The following KLHL29 variants were observed in gnomAD, a reference collection of about 807,000 sequenced individuals.
The protein encoded by KLHL29 is kelch like family member 29.
Under a neutral mutation model 80.4 loss-of-function variants are expected in KLHL29, and 21 were observed. The ratio of observed to expected loss-of-function variants is 0.26; its 90% CI spans 0.19 to 0.38. KLHL29 has a LOEUF of 0.38. Ranked by LOEUF, KLHL29 falls within the 10% of genes least tolerant of loss-of-function variation. The pLI, the probability that KLHL29 is intolerant of heterozygous loss-of-function variation, is 1.00. For missense variants in KLHL29, 867 were observed against 1,223.9 expected, an observed-to-expected ratio of 0.71 and a Z score of 4.35; for synonymous variants, 511 against 526.8, an observed-to-expected ratio of 0.97 and a Z score of 0.41.
chr2:23,606,864 G>C (rs1026007975), intron 3 of KLHL29, among the ~76,000 whole-genome samples: 6 of 152,108 alleles, frequency 3.9e-5, no homozygotes, highest in East Asian at 3.9e-4. Context: ...CTGTAAACAG[G>C]GTGGCTTAGA....
At chr2:23,675,893 T>TG (rs2149179760) in intron 5 of KLHL29, among the ~76,000 whole-genome samples, 1 of 152,286 alleles carries the variant, frequency 6.6e-6, no homozygotes, top group South Asian at 2.1e-4. Context: ...TTTGGGGGAA[T>TG]GTGATCTAAC....
In KLHL29 at chr2:23,547,762, T is replaced by TTA. The variant is rs1667014832; in HGVS notation, c.-45-14389_-45-14388dup. On this transcript the variant is annotated intron_variant, in intron 2 of 13. Coordinates refer to ENST00000486442, the MANE Select transcript of KLHL29 (RefSeq NM_052920.2). ...GGAGGAAAAGATACTTGTTTGCTAC[T>TTA]TACATCCTGCTGAGTTCAGCCTCAG... Among the ~76,000 whole-genome samples the TTA allele has an allele frequency of 2.0e-5, 3 of 151,950 alleles. No individual in the cohort carries two copies. In the South Asian group the frequency reaches 6.2e-4, roughly 32 times the overall value.
chr2:23,466,893 G>T (rs1664369066), intron 1 of KLHL29, among the ~76,000 whole-genome samples: 1 of 152,162 alleles, frequency 6.6e-6, no homozygotes, highest in Admixed American at 6.5e-5. Flanking sequence ...CCTTTCTGGG[G>T]GACTTTCCTG....
chr2:23,445,008 T>A (rs1663632122), intron 1 of KLHL29, among the ~76,000 whole-genome samples: 1 of 152,244 alleles, frequency 6.6e-6, no homozygotes, highest in East Asian at 1.9e-4. Flanking sequence ...AAACTGTGAC[T>A]TTAAATGAAA....
At chr2:23,491,169 C>G (rs1665092115) in intron 2 of KLHL29, among the ~76,000 whole-genome samples, 1 of 152,038 alleles carries the variant, frequency 6.6e-6, no homozygotes, top group African/African-American at 2.4e-5. Context: ...TGCTCCAGCC[C>G]CTAGGGACAC....
At chr2:23,550,072 G>A (rs536633899) in intron 2 of KLHL29, among the ~76,000 whole-genome samples, 77 of 152,216 alleles carry the variant, frequency 5.1e-4, no homozygotes, top group African/African-American at 1.6e-3. Flanking sequence ...GTGTTTTTCC[G>A]TTTTATGGCT....
intron 5 of KLHL29, among the ~76,000 whole-genome samples, chr2:23,679,085 A>C (rs1275520960): frequency 6.6e-6 from 1 of 152,120 alleles, no homozygotes; most frequent in Non-Finnish European, 1.5e-5. Context: ...CTCAAACTGA[A>C]CTAGCAAAGG....
At chr2:23,699,575 G>GTCCTT (rs1031775808) in intron 11 of KLHL29, among the ~76,000 whole-genome samples, 2 of 152,152 alleles carry the variant, frequency 1.3e-5, no homozygotes, top group African/African-American at 4.8e-5. Flanking sequence ...GCCTCCTGTT[G>GTCCTT]TCCTTTCTCC....
chr2:23,496,689 C>T (rs117938123), intron 2 of KLHL29, among the ~76,000 whole-genome samples: 1 of 152,372 alleles, frequency 6.6e-6, no homozygotes, highest in East Asian at 1.9e-4. Flanking sequence ...GCCCAGGGAC[C>T]ACCGCTGTCT....
chr2:23,686,714 G>C (rs1345468012), intron 6 of KLHL29, among the ~76,000 whole-genome samples: 2 of 152,142 alleles, frequency 1.3e-5, no homozygotes, highest in African/African-American at 4.8e-5. Context: ...CGGACGCCCA[G>C]GTCCCCAGGT....
intron 3 of KLHL29, among the ~76,000 whole-genome samples, chr2:23,619,772 G>A (rs1484458092): frequency 6.6e-6 from 1 of 152,308 alleles, no homozygotes; most frequent in Admixed American, 6.5e-5. Flanking sequence ...GCTAGCAAGG[G>A]CATTAAGTCC....
intron 5 of KLHL29, chr2:23,667,751 C>G (rs188436841): frequency 6.6e-6 from 1 of 152,514 alleles, no homozygotes; most frequent in African/African-American, 2.4e-5. Context: ...CCCTGGGGCC[C>G]GGGGTCTGTT....
intron 2 of KLHL29, among the ~76,000 whole-genome samples, chr2:23,533,543 T>TGG (rs1335170997): frequency 1.3e-5 from 2 of 152,112 alleles, no homozygotes; most frequent in Non-Finnish European, 2.9e-5. Context: ...GTGCAGCCTC[T>TGG]GGGGAGCCTT....
At chr2:23,553,917 G>A (rs1253964439) in intron 2 of KLHL29, among the ~76,000 whole-genome samples, 1 of 152,208 alleles carries the variant, frequency 6.6e-6, no homozygotes, top group Non-Finnish European at 1.5e-5. Flanking sequence ...TCCGTCGCTG[G>A]GGTCCTAGGC....
intron 5 of KLHL29, among the ~76,000 whole-genome samples, chr2:23,646,706 C>A (rs1448500914): frequency 6.6e-6 from 1 of 152,184 alleles, no homozygotes; most frequent in African/African-American, 2.4e-5. Flanking sequence ...TGGACTTCCA[C>A]CTCATGGCAC....
chr2:23,569,287 C>T (rs1457705026), intron 3 of KLHL29, among the ~76,000 whole-genome samples: 2 of 152,212 alleles, frequency 1.3e-5, no homozygotes, highest in East Asian at 1.9e-4. Flanking sequence ...GGAAAGGGAG[C>T]CTGTTACATG....
chr2:23,506,411 A>T (rs924279696), intron 2 of KLHL29, among the ~76,000 whole-genome samples: 2 of 152,168 alleles, frequency 1.3e-5, no homozygotes, highest in Admixed American at 6.5e-5. Flanking sequence ...ATAGCTTGCC[A>T]CTGGGGAGAG....
rs149083293 is a variant in KLHL29, at chr2:23,647,904, C to A, written c.940+5054C>A. ...GCAAGGATGCTATTTCATCCCCACT[C>A]CCCCCTCAGTATCCAAGCCGGTACC... On this transcript the variant is annotated intron_variant, in intron 5 of 13. Coordinates refer to ENST00000486442, the MANE Select transcript of KLHL29 (RefSeq NM_052920.2). The surrounding 1 kb of genome is among the most constrained non-coding windows in gnomAD (Gnocchi z 4.9). Among the ~76,000 whole-genome samples the A allele has an allele frequency of 5.9e-5, 9 of 152,094 alleles. No homozygotes were observed. The highest frequency in any genetic ancestry group is 1.3e-4 in the Non-Finnish European group (9 of 68,022).
rs186293125 is a variant in KLHL29 at position 23,533,422 on chromosome 2, C to G, written c.-45-28730C>G. Among the ~76,000 whole-genome samples, 129 of 150,136 alleles carry G rather than the reference C, an allele frequency of 8.6e-4. No individual in the cohort carries two copies. In the South Asian group the frequency reaches 0.016, roughly 19 times the overall value. On this transcript the variant is annotated intron_variant, in intron 2 of 13. Transcript: ENST00000486442. The stretch of plus-strand genomic sequence containing the variant: ...GGAGGGGTCCTGTGGAGACTTGTAG[C>G]TCCTGGCCCAGCAGGATTCATGGCA...
Sources: gnomAD v4.1 joint callset for allele counts (sites outside exome capture counted in the v4.1 genomes callset) on GRCh38, gnomAD v4.1.1 for gene constraint, Gnocchi (gnomAD v3.1) non-coding constraint, MANE v1.5 for transcripts, NCBI Gene and HGNC (gene_info 2026-07-23, HGNC 2026-07-21) for gene names.